The following PIN4 variants were observed in gnomAD, a reference collection of about 807,000 sequenced individuals.
PIN4 encodes peptidyl-prolyl cis-trans isomerase NIMA-interacting 4.
A neutral mutation model predicts 8.3 loss-of-function variants in PIN4; 3 were observed. The ratio of observed to expected loss-of-function variants is 0.36; its 90% CI spans 0.16 to 0.93. The LOEUF (loss-of-function observed/expected upper bound fraction) is 0.93. Ranked by LOEUF, PIN4 falls within the 40% of genes least tolerant of loss-of-function variation. The pLI is 0.44. For synonymous variants in PIN4, 18 were observed against 32.5 expected (o/e 0.55, Z 1.52); for missense variants, 75 against 100.6 (o/e 0.75, Z 1.09).
rs1157602577 is a variant in PIN4 at position 72,188,736 on chromosome X, C to A, written c.117+2202C>A. On this transcript the variant is annotated intron_variant, in intron 2 of 3. Coordinates refer to ENST00000373669, the MANE Select transcript of PIN4 (RefSeq NM_006223.4). ...ATGGAGTCTCGCTATGTTGCCCAGG[C>A]TGGTCTTGAACTCCTGGCCTCAAGC... 1.4e-4 allele frequency among the ~76,000 whole-genome samples: 16 copies of A among 111,343 alleles called. No homozygotes were observed. The Admixed American group carries it at 1.5e-3, about 11-fold the overall frequency.
chrX:72,199,897 G>A (rs1333950714), downstream of PIN4, among the ~76,000 whole-genome samples: 6 of 112,271 alleles, frequency 5.3e-5, no homozygotes, highest in Non-Finnish European at 7.5e-5. Flanking sequence ...CAGGCAGCGC[G>A]GCTGACGCCT....
At chrX:72,218,318 C>T (rs1386838008) in intron 3 of PIN4, among the ~76,000 whole-genome samples, 1 of 108,650 alleles carries the variant, frequency 9.2e-6, no homozygotes, top group Non-Finnish European at 1.9e-5. Flanking sequence ...GCCATGTTGC[C>T]CAGGCTGGTC....
intron 3 of PIN4, among the ~76,000 whole-genome samples, chrX:72,244,064 C>T (rs1054601083): frequency 3.6e-5 from 4 of 112,237 alleles, no homozygotes; most frequent in African/African-American, 1.3e-4. Flanking sequence ...TTTACTTATT[C>T]ATTTATTTAG....
intron 2 of PIN4, among the ~76,000 whole-genome samples, chrX:72,193,026 T>A (rs981072700): frequency 1.8e-5 from 2 of 111,557 alleles, no homozygotes; most frequent in Admixed American, 1.9e-4. Flanking sequence ...AATTCCACAC[T>A]TCAGCTGCCA....
intron 2 of PIN4, among the ~76,000 whole-genome samples, chrX:72,189,367 T>C (rs2042720498): frequency 9.0e-6 from 1 of 110,874 alleles, no homozygotes; most frequent in Non-Finnish European, 1.9e-5. Flanking sequence ...GCCCCACCTC[T>C]GCCCTCTTAA....
Position 72,198,270 on chromosome X carries a change from A to T in PIN4, c.*744A>T, listed in dbSNP as rs763902424. Reference sequence around the variant, plus strand: ...TAAAATTTAAAATGCCATATTTATGACATATAAAAAAGTATAAAGATTACT... The same window carrying T: ...TAAAATTTAAAATGCCATATTTATGTCATATAAAAAAGTATAAAGATTACT... On this transcript the variant is annotated 3_prime_UTR_variant, in exon 4 of 4. Coordinates refer to ENST00000373669, the MANE Select transcript of PIN4 (RefSeq NM_006223.4). The T allele has an allele frequency of 1.4e-6, 1 of 707,325 alleles. No homozygotes were observed. Among genetic ancestry groups the T allele is most frequent in the African/African-American group, 2.3e-5 (1 of 42,666 alleles). The allele number at this position is 707,325 out of a possible 1,213,427, so 58.3% of individuals were successfully genotyped here.
chrX:72,247,927 T>C (rs2043072727), intron 3 of PIN4, among the ~76,000 whole-genome samples: 1 of 111,109 alleles, frequency 9.0e-6, no homozygotes, highest in African/African-American at 3.3e-5. Context: ...CTAGGGCACA[T>C]TGAGGGTATG....
intron 3 of PIN4, among the ~76,000 whole-genome samples, chrX:72,258,642 A>G (rs1602463557): frequency 9.0e-6 from 1 of 111,478 alleles, no homozygotes; most frequent in Non-Finnish European, 1.9e-5. Context: ...GGGCTCTGAC[A>G]TCAGAATGCC....
intron 2 of PIN4, among the ~76,000 whole-genome samples, chrX:72,190,978 A>G (rs962267520): frequency 5.6e-5 from 6 of 106,700 alleles, no homozygotes; most frequent in African/African-American, 2.1e-4. Flanking sequence ...AGCTCCCCAG[A>G]ACTGCTGGGC....
At chrX:72,212,509 A>G (rs2042861591) in intron 3 of PIN4, among the ~76,000 whole-genome samples, 2 of 111,855 alleles carry the variant, frequency 1.8e-5, no homozygotes, top group Admixed American at 1.9e-4. Flanking sequence ...TGCCCCAAAG[A>G]GCTAAGCTAA....
At chrX:72,242,391 T>C (rs2043052507) in intron 3 of PIN4, among the ~76,000 whole-genome samples, 1 of 111,821 alleles carries the variant, frequency 8.9e-6, no homozygotes, top group Non-Finnish European at 1.9e-5. Flanking sequence ...TCTGCTTCCC[T>C]TGGGCCCTTC....
intron 3 of PIN4, among the ~76,000 whole-genome samples, chrX:72,242,360 C>T (rs935700689): frequency 8.9e-6 from 1 of 111,825 alleles, no homozygotes; most frequent in African/African-American, 3.3e-5. Flanking sequence ...GCTGCTCCTC[C>T]CCTCCCCTTC....
At chrX:72,189,097 T>A (rs1313614064) in intron 2 of PIN4, among the ~76,000 whole-genome samples, 82 of 110,688 alleles carry the variant, frequency 7.4e-4, no homozygotes, top group African/African-American at 2.6e-3. Flanking sequence ...CCCAGGAGTT[T>A]GAGGCGGCAG....
At chrX:72,246,109 C>G (rs757389196) in intron 3 of PIN4, among the ~76,000 whole-genome samples, 1 of 111,042 alleles carries the variant, frequency 9.0e-6, no homozygotes, top group East Asian at 2.9e-4. Context: ...AACATGGCAC[C>G]GAACTCACCC....
chrX:72,200,617 A>G (rs768364247), downstream of PIN4, among the ~76,000 whole-genome samples: 61 of 112,547 alleles, frequency 5.4e-4, no homozygotes, highest in Admixed American at 1.3e-3. Flanking sequence ...ATAGATTATG[A>G]TAAATTATGG....
intron 3 of PIN4, chrX:72,205,963 T>C: frequency 4.1e-6 from 5 of 1,211,639 alleles, no homozygotes; most frequent in Non-Finnish European, 5.6e-6. Context: ...CAACTTGGCC[T>C]CACTTGCTTG....
chrX:72,211,145 G>T (rs2042851770), intron 3 of PIN4, among the ~76,000 whole-genome samples: 1 of 111,677 alleles, frequency 9.0e-6, no homozygotes, highest in African/African-American at 3.3e-5. Context: ...TATTGCTAAT[G>T]TAATGATTTA....
rs770860254 is a variant in PIN4, at chrX:72,242,170, G to A, written c.313-20537G>A. On this transcript the variant is annotated intron_variant, in intron 3 of 3. Transcript: ENST00000423432. Reference sequence around the variant, plus strand: ...GTGGGCTGTGAAGAAAAGCTAAAGAGAACTCCCTCAGGAACCCCGGCTACC... The same window carrying A: ...GTGGGCTGTGAAGAAAAGCTAAAGAAAACTCCCTCAGGAACCCCGGCTACC... Among the ~76,000 whole-genome samples, 16 of 111,915 alleles carry A rather than the reference G, an allele frequency of 1.4e-4. No homozygotes were observed. The East Asian group carries it at 4.5e-3, about 31-fold the overall frequency.
At chrX:72,239,170 G>A (rs750073080) in intron 3 of PIN4, 1 of 372,888 alleles carries the variant, frequency 2.7e-6, no homozygotes, top group African/African-American at 2.5e-5. Context: ...AGCAGAAGGT[G>A]ATCTCTGCCT....
Sources: allele counts gnomAD v4.1 joint callset (sites outside exome capture counted in the v4.1 genomes callset), GRCh38; gene constraint gnomAD v4.1.1; transcripts MANE v1.5; gene names NCBI Gene and HGNC (gene_info 2026-07-23, HGNC 2026-07-21).